PCDHA8: variants seen among roughly 807,000 people sequenced by gnomAD.
PCDHA8 encodes the protein protocadherin alpha-8.
Under a neutral mutation model 61.8 loss-of-function variants are expected in PCDHA8, and 53 were observed. That is an observed-to-expected ratio of 0.86 (90% CI 0.69 to 1.08). The LOEUF (loss-of-function observed/expected upper bound fraction) is 1.08, where lower values mean the gene tolerates loss of function less well. Ranked by LOEUF, PCDHA8 falls within the 50% of genes least tolerant of loss-of-function variation. The pLI is 0.00. For synonymous variants in PCDHA8, 618 were observed against 556.6 expected, an observed-to-expected ratio of 1.11 and a Z score of -1.55; for missense variants, 1,293 against 1,245.0, an observed-to-expected ratio of 1.04 and a Z score of -0.58.
rs1554231011 is a variant in PCDHA8 at position 140,968,738 on chromosome 5, C to G, written c.2395-10211C>G. 10 of 1,614,040 alleles carry G rather than the reference C, an allele frequency of 6.2e-6. No individual in the cohort carries two copies. The Admixed American group carries it at 6.7e-5, about 11-fold the overall frequency. On this transcript the variant is annotated intron_variant, in intron 1 of 3. Transcript: ENST00000531613. ...AGATGAGAGTGGTAGCACTTTCAAC[C>G]TGACCGTGGTGGTCCGAGATAATGG...
At chr5:141,000,589 A>G (rs1234300694) in intron 3 of PCDHA8, among the ~76,000 whole-genome samples, 3 of 150,422 alleles carry the variant, frequency 2.0e-5, no homozygotes, top group Admixed American at 2.0e-4. Context: ...CACCATGCCC[A>G]GCTAATTTTT....
At position 140,870,930 on chromosome 5, in the gene PCDHA8, A is replaced by G. The variant is rs373236202; in HGVS notation, c.2394+27215A>G. ...GCTACAACGCGTGGCTTTCATATGA[A>G]TTGCAGCCGGCGGCGGGCGGCTCGC... On this transcript the variant is annotated intron_variant, in intron 1 of 3. Coordinates refer to ENST00000531613, the MANE Select transcript of PCDHA8 (RefSeq NM_018911.3). 1.9e-6 allele frequency: 3 copies of G among 1,613,850 alleles called. No homozygotes were observed. The East Asian group carries it at 6.7e-5, about 36-fold the overall frequency.
intron 1 of PCDHA8, chr5:140,858,122 G>A (rs2045205238): frequency 1.3e-6 from 2 of 1,597,922 alleles, no homozygotes; most frequent in Non-Finnish European, 1.7e-6. Flanking sequence ...GGTGGCCCTG[G>A]TGGATGTCAA....
intron 1 of PCDHA8, chr5:140,864,763 A>T (rs976670249): frequency 6.6e-6 from 1 of 152,064 alleles, no homozygotes; most frequent in East Asian, 1.9e-4. Context: ...TTTTTCTTTC[A>T]TTTTTGGTAC....
At chr5:140,876,449 G>T (rs1396307044) in intron 1 of PCDHA8, 1 of 1,613,880 alleles carries the variant, frequency 6.2e-7, no homozygotes, top group Non-Finnish European at 8.5e-7. Context: ...ATTGATAAAG[G>T]GATTCCTTCC....
chr5:140,904,773 CATT>C (rs2071382352), intron 1 of PCDHA8, among the ~76,000 whole-genome samples: 1 of 152,076 alleles, frequency 6.6e-6, no homozygotes, highest in Non-Finnish European at 1.5e-5. Flanking sequence ...GATGGTATCA[CATT>C]ATTGTTTTAA....
chr5:141,007,200 G>T (rs1437076735), intron 3 of PCDHA8, among the ~76,000 whole-genome samples: 2 of 152,010 alleles, frequency 1.3e-5, no homozygotes, highest in Admixed American at 6.6e-5. Context: ...GATGGTGGGG[G>T]CCAGAATATG....
In PCDHA8 at chr5:140,843,242, G is replaced by T. The variant is rs2150355808; in HGVS notation, c.1921G>T (p.Asp641Tyr). Residue 641 changes from aspartate (D) to tyrosine (Y), a missense_variant, in exon 1 of 4, where the codon GAC becomes TAC. Asp to Tyr is a radical substitution (Grantham distance 160, BLOSUM62 -3). Transcript: ENST00000531613. Reference sequence around the variant, plus strand: ...CACCACTCGTGTCCTGGACGAAGCGGACTCTCCGCGCCACCGTCTGCTGGT... The same window carrying T: ...CACCACTCGTGTCCTGGACGAAGCGTACTCTCCGCGCCACCGTCTGCTGGT... Reference protein sequence around the residue: ...ISTTRVLDEADSPRHRLLVLV... With the variant: ...ISTTRVLDEAYSPRHRLLVLV... 2.5e-5 allele frequency: 40 copies of T among 1,596,002 alleles called. 3 individuals carry two copies. In the African/African-American group the frequency reaches 3.4e-4, roughly 13 times the overall value.
At chr5:140,873,816 A>G (rs1419963733) in intron 1 of PCDHA8, among the ~76,000 whole-genome samples, 3 of 151,528 alleles carry the variant, frequency 2.0e-5, no homozygotes, top group East Asian at 3.9e-4. Context: ...ATGCACCACC[A>G]CTCCTGGCTA....
intron 1 of PCDHA8, among the ~76,000 whole-genome samples, chr5:140,919,535 ACTTTT>A (rs1310340464): frequency 1.3e-5 from 2 of 151,732 alleles, no homozygotes; most frequent in Non-Finnish European, 2.9e-5. Flanking sequence ...TTTTTCCTAT[ACTTTT>A]CATTTACTGA....
Position 140,857,655 on chromosome 5 carries a change from C to G in PCDHA8, c.2394+13940C>G, listed in dbSNP as rs782490979. 3.1e-6 allele frequency: 5 copies of G among 1,596,614 alleles called. No homozygotes were observed. The Admixed American group carries it at 6.7e-5, about 22-fold the overall frequency. ...GAGCTGCTACAGTTCCAGGTGAGCG[C>G]GCGCGATGGGGGCGTGCCGCCTCTG... On this transcript the variant is annotated intron_variant, in intron 1 of 3. Transcript: ENST00000531613.
chr5:140,852,319 C>T (rs2150515438), intron 1 of PCDHA8: 6 of 325,372 alleles, frequency 1.8e-5, no homozygotes, highest in Non-Finnish European at 2.8e-5. Context: ...TTTCTGCCAC[C>T]CAGGCTGGAG....
intron 1 of PCDHA8, among the ~76,000 whole-genome samples, chr5:140,921,651 C>T (rs155817): frequency 0.33 from 49,637 of 151,902 alleles, 8,394 homozygotes; most frequent in East Asian, 0.53. Context: ...TTTAAGGGAA[C>T]TTAATAAAAA....
At chr5:140,979,175 A>C in intron 2 of PCDHA8, 168 bp downstream of exon 2, 8 of 951,628 alleles carry the variant, frequency 8.4e-6, no homozygotes, top group Non-Finnish European at 1.0e-5. Flanking sequence ...AAAGATCGCA[A>C]ATGGTCAGTG....
chr5:140,925,282 T>C (rs1371569064), intron 1 of PCDHA8, among the ~76,000 whole-genome samples: 1 of 152,184 alleles, frequency 6.6e-6, no homozygotes, highest in Admixed American at 6.5e-5. Context: ...GATTTTGCCT[T>C]TCAAATGTTT....
rs1272799738 is a variant in PCDHA8 at position 140,969,033 on chromosome 5, T to C, written c.2395-9916T>C. On this transcript the variant is annotated intron_variant, in intron 1 of 3. Coordinates refer to ENST00000531613, the MANE Select transcript of PCDHA8 (RefSeq NM_018911.3). ...GTAAGGGAAAGGTCCCCTGCAGAAC[T>C]GTACAAACAAGCCAACAACAATATT... 5 of 1,614,028 alleles carry C rather than the reference T, an allele frequency of 3.1e-6. No individual in the cohort carries two copies. Among genetic ancestry groups the C allele is most frequent in the Admixed American group, 3.3e-5 (2 of 60,006 alleles).
chr5:140,937,728 C>T (rs1180728000), intron 1 of PCDHA8, among the ~76,000 whole-genome samples: 4 of 151,954 alleles, frequency 2.6e-5, no homozygotes, highest in African/African-American at 7.2e-5. Flanking sequence ...CTGGCTAACA[C>T]GGTGAAACCC....
intron 1 of PCDHA8, chr5:140,850,311 T>G: frequency 1.9e-6 from 3 of 1,597,000 alleles, no homozygotes; most frequent in Non-Finnish European, 2.6e-6. Context: ...CTACAACGCG[T>G]GGCTTTCATA....
At chr5:140,877,299 C>G (rs374061607) in intron 1 of PCDHA8, 2 of 1,613,924 alleles carry the variant, frequency 1.2e-6, no homozygotes, top group Admixed American at 1.7e-5. Context: ...GGCTGTCCTA[C>G]GAGTTGCAAC....
Sources: gnomAD v4.1 joint callset for allele counts (sites outside exome capture counted in the v4.1 genomes callset) on GRCh38, gnomAD v4.1.1 for gene constraint, MANE v1.5 for transcripts, NCBI Gene and HGNC (gene_info 2026-07-23, HGNC 2026-07-21) for gene names.